RPS6KC1: variants seen among roughly 807,000 people sequenced by gnomAD.
RPS6KC1 encodes ribosomal protein S6 kinase C1.
RPS6KC1 carries 54 observed loss-of-function variants against 103.8 expected under a neutral mutation model. That is an observed-to-expected ratio of 0.52 (90% CI 0.42 to 0.65). RPS6KC1 has a LOEUF of 0.65. Among genes scored for constraint, RPS6KC1 ranks in the 30% least tolerant of loss-of-function variants. RPS6KC1 has a pLI of 0.00. For missense variants in RPS6KC1, 1,151 were observed against 1,253.8 expected, an observed-to-expected ratio of 0.92 and a Z score of 1.24; for synonymous variants, 439 against 438.7, an observed-to-expected ratio of 1.00 and a Z score of -0.01.
the RPS6KC1 span, among the ~76,000 whole-genome samples, chr1:213,628,044 A>G: frequency 2.0e-5 from 3 of 152,248 alleles, no homozygotes; most frequent in South Asian, 6.2e-4. Context: ...CTGTGAATCC[A>G]TCTGGTCCTG....
chr1:213,261,488 A>C, intron 12 of RPS6KC1, 70 bp from the exon 13 acceptor site: 2 of 1,346,988 alleles, frequency 1.5e-6, no homozygotes, highest in Non-Finnish European at 2.1e-6. Flanking sequence ...TCACCTTGCT[A>C]ATACATGTTA....
chr1:213,221,408 A>G (rs966786689), intron 8 of RPS6KC1, among the ~76,000 whole-genome samples: 1 of 152,048 alleles, frequency 6.6e-6, no homozygotes, highest in Admixed American at 6.6e-5. Flanking sequence ...CTTAGGCAAT[A>G]TTTCTTCAGT....
chr1:213,405,875 G>A, the RPS6KC1 span, among the ~76,000 whole-genome samples: 6 of 152,286 alleles, frequency 3.9e-5, no homozygotes, highest in South Asian at 8.3e-4. Context: ...TCTGAGAGGG[G>A]CAAAGGATGT....
chr1:213,716,803 C>T, the RPS6KC1 span, among the ~76,000 whole-genome samples: 105 of 152,246 alleles, frequency 6.9e-4, no homozygotes, highest in Middle Eastern at 6.8e-3. Context: ...CTGGGTTTTA[C>T]ATAATAGGTG....
chr1:213,208,973 G>A (rs2093428721), intron 8 of RPS6KC1, among the ~76,000 whole-genome samples: 1 of 151,858 alleles, frequency 6.6e-6, no homozygotes, highest in Non-Finnish European at 1.5e-5. Context: ...TGAACTTCAA[G>A]CTAAGCCTAT....
chr1:213,631,418 G>T, the RPS6KC1 span, among the ~76,000 whole-genome samples: 1 of 150,162 alleles, frequency 6.7e-6, no homozygotes, highest in African/African-American at 2.4e-5. Flanking sequence ...TCCTCTTACA[G>T]GGTGTATTGT....
the RPS6KC1 span, among the ~76,000 whole-genome samples, chr1:213,656,698 C>T: frequency 8.3e-4 from 127 of 152,170 alleles, no homozygotes; most frequent in Non-Finnish European, 1.2e-3. Context: ...CTTATGCACT[C>T]CACTTCACTG....
chr1:213,647,345 A>G, the RPS6KC1 span, among the ~76,000 whole-genome samples: 6 of 152,198 alleles, frequency 3.9e-5, no homozygotes, highest in Non-Finnish European at 8.8e-5. Context: ...ACCAACAGGG[A>G]ATGGCTAGAA....
the RPS6KC1 span, among the ~76,000 whole-genome samples, chr1:213,768,416 AG>A: frequency 1.3e-5 from 2 of 152,360 alleles, no homozygotes; most frequent in South Asian, 4.1e-4. Context: ...AGGAAAAGGA[AG>A]GGAGAGAGGG....
intron 8 of RPS6KC1, among the ~76,000 whole-genome samples, chr1:213,224,212 A>G (rs2093906991): frequency 6.6e-6 from 1 of 152,198 alleles, no homozygotes; most frequent in Non-Finnish European, 1.5e-5. Flanking sequence ...CTACTTAAAT[A>G]TTAGTCCTTT....
At chr1:213,151,737 C>G (rs1282784017) in intron 6 of RPS6KC1, among the ~76,000 whole-genome samples, 1 of 129,128 alleles carries the variant, frequency 7.7e-6, no homozygotes, top group African/African-American at 3.1e-5. Flanking sequence ...CTGACCCCCC[C>G]ACCCATCTCC....
intron 10 of RPS6KC1, among the ~76,000 whole-genome samples, chr1:213,237,151 G>A (rs960976856): frequency 1.3e-5 from 2 of 151,936 alleles, no homozygotes; most frequent in African/African-American, 2.4e-5. Flanking sequence ...TACCTTGGAC[G>A]CCTTTAGTAT....
At chr1:213,321,847 G>A in the RPS6KC1 span, among the ~76,000 whole-genome samples, 1 of 152,164 alleles carries the variant, frequency 6.6e-6, no homozygotes, top group Non-Finnish European at 1.5e-5. Context: ...AAGACATGAA[G>A]GAGCTAAGGA....
the RPS6KC1 span, among the ~76,000 whole-genome samples, chr1:213,588,403 A>G: frequency 6.7e-6 from 1 of 148,590 alleles, no homozygotes; most frequent in Non-Finnish European, 1.5e-5. Context: ...GGTTCACACC[A>G]TTTTCCTGCC....
chr1:213,329,027 T>A, the RPS6KC1 span, among the ~76,000 whole-genome samples: 2 of 152,176 alleles, frequency 1.3e-5, no homozygotes, highest in Non-Finnish European at 2.9e-5. Context: ...GTGCTGGTGG[T>A]ACCTTTCTTC....
chr1:213,244,710 A>G (rs2094426251), intron 12 of RPS6KC1, among the ~76,000 whole-genome samples: 1 of 152,144 alleles, frequency 6.6e-6, no homozygotes, highest in Non-Finnish European at 1.5e-5. Flanking sequence ...TTTAATACAG[A>G]TCGGTTTCTA....
At chr1:213,826,614 A>T in the RPS6KC1 span, among the ~76,000 whole-genome samples, 1 of 152,240 alleles carries the variant, frequency 6.6e-6, no homozygotes, top group East Asian at 1.9e-4. Context: ...AAAGCAGGGC[A>T]TTAAACCAAG....
At chr1:213,137,525 G>A (rs1042243171) in intron 6 of RPS6KC1, among the ~76,000 whole-genome samples, 1 of 150,828 alleles carries the variant, frequency 6.6e-6, no homozygotes, top group African/African-American at 2.4e-5. Flanking sequence ...GAGAAACGGT[G>A]TTTCTCCATG....
chr1:213,678,966 G>A, the RPS6KC1 span, among the ~76,000 whole-genome samples: 6 of 152,232 alleles, frequency 3.9e-5, no homozygotes, highest in African/African-American at 9.6e-5. Flanking sequence ...GAAAGTAAGC[G>A]CTCAGTAATT....
Sources: allele counts gnomAD v4.1 joint callset (sites outside exome capture counted in the v4.1 genomes callset), GRCh38; gene constraint gnomAD v4.1.1; transcripts MANE v1.5; gene names NCBI Gene and HGNC (gene_info 2026-07-23, HGNC 2026-07-21).